KCNQ5: variants seen among roughly 807,000 people sequenced by gnomAD.
The protein encoded by KCNQ5 is potassium voltage-gated channel subfamily Q member 5.
In KCNQ5, 30 loss-of-function variants were observed where a neutral mutation model predicts 98.2. The observed-to-expected ratio is 0.31, with a 90% confidence interval of 0.23 to 0.41. KCNQ5 has a LOEUF of 0.41. Ranked by LOEUF, KCNQ5 falls within the 10% of genes least tolerant of loss-of-function variation. KCNQ5 has a pLI of 1.00. For missense variants in KCNQ5, 835 were observed against 1,182.5 expected (o/e 0.71, Z 4.31); for synonymous variants, 458 against 449.4 (o/e 1.02, Z -0.24).
intron 1 of KCNQ5, among the ~76,000 whole-genome samples, chr6:72,732,294 TG>T (rs1214664500): frequency 6.6e-6 from 1 of 151,640 alleles, no homozygotes; most frequent in African/African-American, 2.4e-5. Flanking sequence ...TGAGGAAGCC[TG>T]AGTAGGGGAG....
intron 11 of KCNQ5, among the ~76,000 whole-genome samples, chr6:73,176,333 T>C (rs940150298): frequency 1.3e-5 from 2 of 152,206 alleles, no homozygotes; most frequent in Non-Finnish European, 2.9e-5. Context: ...TCTCTCTTTC[T>C]TCCTGCTGCT....
At chr6:73,141,758 T>C (rs1776721485) in intron 10 of KCNQ5, among the ~76,000 whole-genome samples, 1 of 152,200 alleles carries the variant, frequency 6.6e-6, no homozygotes, top group Admixed American at 6.5e-5. Flanking sequence ...TGGAGCCCTA[T>C]ATTTTGTTTC....
chr6:73,177,623 C>T (rs553876409), intron 11 of KCNQ5, among the ~76,000 whole-genome samples: 4 of 152,270 alleles, frequency 2.6e-5, no homozygotes, highest in African/African-American at 4.8e-5. Flanking sequence ...TTTGCCATTG[C>T]GGGTTTTGTT....
chr6:72,669,432 A>AATAATCCTCG (rs1244899682), intron 1 of KCNQ5, among the ~76,000 whole-genome samples: 3 of 152,178 alleles, frequency 2.0e-5, no homozygotes, highest in Non-Finnish European at 4.4e-5. Context: ...AATAATCCTC[A>AATAATCCTCG]TTGACTTTCC....
intron 5 of KCNQ5, among the ~76,000 whole-genome samples, chr6:73,090,220 G>C (rs1338553831): frequency 2.0e-5 from 3 of 151,840 alleles, no homozygotes; most frequent in African/African-American, 7.3e-5. Flanking sequence ...TTTGAGAATT[G>C]TCTATTCATG....
chr6:72,788,442 A>G (rs1773869302), intron 1 of KCNQ5, among the ~76,000 whole-genome samples: 1 of 152,234 alleles, frequency 6.6e-6, no homozygotes, highest in African/African-American at 2.4e-5. Flanking sequence ...TGCCTGACTC[A>G]TAACAGCTTC....
intron 1 of KCNQ5, among the ~76,000 whole-genome samples, chr6:72,859,677 G>C (rs1271162407): frequency 6.6e-6 from 1 of 151,934 alleles, no homozygotes; most frequent in African/African-American, 2.4e-5. Flanking sequence ...ACCTCCCCAG[G>C]CTCAGGTGAT....
At chr6:72,761,420 TTTGA>T in intron 1 of KCNQ5, among the ~76,000 whole-genome samples, 1 of 152,028 alleles carries the variant, frequency 6.6e-6, no homozygotes, top group South Asian at 2.1e-4. Context: ...TTTTAAAAAC[TTTGA>T]TTGCTTTATT....
At chr6:72,872,566 G>A (rs921724755) in intron 1 of KCNQ5, among the ~76,000 whole-genome samples, 4 of 152,086 alleles carry the variant, frequency 2.6e-5, no homozygotes, top group African/African-American at 9.7e-5. Flanking sequence ...AGCTCTGTTA[G>A]GCAGGTATCG....
chr6:73,174,082 C>G (rs1051876606), intron 11 of KCNQ5, among the ~76,000 whole-genome samples: 2 of 137,312 alleles, frequency 1.5e-5, no homozygotes, highest in African/African-American at 5.3e-5. Context: ...CAAGGCTACT[C>G]TTTTTTTTTT....
chr6:72,809,883 G>T (rs1034295469), intron 1 of KCNQ5, among the ~76,000 whole-genome samples: 1 of 152,160 alleles, frequency 6.6e-6, no homozygotes, highest in Non-Finnish European at 1.5e-5. Context: ...ACACACCAAT[G>T]GATCCAATGA....
In KCNQ5 at chr6:73,046,952, T is replaced by C. The variant is rs374798272; in HGVS notation, c.616+4890T>C. 1.6e-4 allele frequency among the ~76,000 whole-genome samples: 24 copies of C among 152,234 alleles called. No individual in the cohort carries two copies. In the East Asian group the frequency reaches 3.3e-3, roughly 21 times the overall value. ...GCCACCACGCCTGGCCTTTATAATG[T>C]CCCATTTTATAGATGAGGAAGTAAG... On this transcript the variant is annotated intron_variant, in intron 3 of 13. Coordinates refer to ENST00000370398, the MANE Select transcript of KCNQ5 (RefSeq NM_019842.4).
At chr6:72,658,579 T>TATATATATATATATATATATATATATATA (rs34408725) in intron 1 of KCNQ5, among the ~76,000 whole-genome samples, 2 of 69,652 alleles carry the variant, frequency 2.9e-5, no homozygotes, top group Admixed American at 1.7e-4. Flanking sequence ...TATATATATA[T>TATATATATATATATATATATATATATATA]TTTTTTTTTT....
intron 1 of KCNQ5, among the ~76,000 whole-genome samples, chr6:72,722,753 T>A (rs1036684443): frequency 6.6e-6 from 1 of 152,102 alleles, no homozygotes; most frequent in East Asian, 1.9e-4. Flanking sequence ...TGTTTCCCTG[T>A]TAATCCCATG....
At chr6:73,175,393 G>C (rs543720984) in intron 11 of KCNQ5, among the ~76,000 whole-genome samples, 1 of 151,422 alleles carries the variant, frequency 6.6e-6, no homozygotes, top group Non-Finnish European at 1.5e-5. Flanking sequence ...CAGGTGATCT[G>C]CCCCCCCCTT....
intron 1 of KCNQ5, among the ~76,000 whole-genome samples, chr6:72,976,570 A>G (rs1279306634): frequency 1.3e-5 from 2 of 152,108 alleles, no homozygotes; most frequent in Non-Finnish European, 2.9e-5. Context: ...GGCTATAATT[A>G]GCACTTCCTG....
At chr6:72,709,482 AGAGATTTG>A (rs1769251539) in intron 1 of KCNQ5, among the ~76,000 whole-genome samples, 12 of 152,188 alleles carry the variant, frequency 7.9e-5, no homozygotes, top group Non-Finnish European at 1.8e-4. Context: ...GGCCCCTAAC[AGAGATTTG>A]GCCCAGAAAA....
rs143914662 is a variant in KCNQ5, at chr6:73,093,759, G to C, written c.919-11498G>C. On this transcript the variant is annotated intron_variant, in intron 5 of 13. Coordinates refer to ENST00000370398, the MANE Select transcript of KCNQ5 (RefSeq NM_019842.4). Reference sequence around the variant, plus strand: ...TTGATTTTCAGTTTTATTCCACTGTGGTCTGAGAGAGTGCTTGATATAATT... The same window carrying C: ...TTGATTTTCAGTTTTATTCCACTGTCGTCTGAGAGAGTGCTTGATATAATT... Among the ~76,000 whole-genome samples, 275 of 152,162 alleles carry C rather than the reference G, an allele frequency of 1.8e-3. 6 individuals are homozygous for C. The East Asian group carries it at 0.045, about 25-fold the overall frequency.
intron 5 of KCNQ5, among the ~76,000 whole-genome samples, chr6:73,091,540 T>C (rs567802082): frequency 1.6e-3 from 249 of 152,268 alleles, no homozygotes; most frequent in African/African-American, 5.6e-3. Flanking sequence ...CCCCATTTTA[T>C]GTTTTTGTTT....
Sources: allele counts gnomAD v4.1 joint callset (sites outside exome capture counted in the v4.1 genomes callset), GRCh38; gene constraint gnomAD v4.1.1; transcripts MANE v1.5; gene names NCBI Gene and HGNC (gene_info 2026-07-23, HGNC 2026-07-21).